Variants in RNF150 observed in about 807,000 individuals in gnomAD.
RNF150 encodes ring finger protein 150.
A neutral mutation model predicts 39.3 loss-of-function variants in RNF150; 24 were observed. That is an observed-to-expected ratio of 0.61 (90% CI 0.44 to 0.86). The LOEUF (loss-of-function observed/expected upper bound fraction) is 0.86. RNF150 is among the 40% of genes least tolerant of loss of function. The pLI, the probability that RNF150 is intolerant of heterozygous loss-of-function variation, is 0.00. For missense variants in RNF150, 502 were observed against 587.8 expected (o/e 0.85, Z 1.51); for synonymous variants, 255 against 227.3 (o/e 1.12, Z -1.10).
upstream of RNF150, among the ~76,000 whole-genome samples, chr4:141,135,271 T>G (rs1727011287): frequency 6.6e-6 from 1 of 152,214 alleles, no homozygotes; most frequent in Admixed American, 6.5e-5. Context: ...CATAGCTCTC[T>G]CCATTCAGAG....
intron 1 of RNF150, among the ~76,000 whole-genome samples, chr4:141,051,356 C>T (rs1212089460): frequency 6.6e-6 from 1 of 152,202 alleles, no homozygotes; most frequent in East Asian, 1.9e-4. Flanking sequence ...CAAATTTTTG[C>T]AGCTGGCTTG....
intron 4 of RNF150, among the ~76,000 whole-genome samples, chr4:140,941,101 A>G (rs1732066509): frequency 6.6e-6 from 1 of 152,200 alleles, no homozygotes; most frequent in South Asian, 2.1e-4. Context: ...GAGACATAAA[A>G]CAGAGTAAGA....
Position 140,871,779 on chromosome 4 carries a change from T to A in RNF150, c.1199-3400A>T, listed in dbSNP as rs1728956233. On this transcript the variant is annotated intron_variant, in intron 6 of 6. Transcript: ENST00000515673. ...GCCTCAGCAGATTCCATAGATTCAT[T>A]CACACCTTGGTTTTTTCTAAATGGG... Among the ~76,000 whole-genome samples, 3 of 152,338 alleles carry A rather than the reference T, an allele frequency of 2.0e-5. No homozygotes were observed. The South Asian group carries it at 6.2e-4, about 32-fold the overall frequency.
chr4:141,085,547 C>T (rs1015287386), intron 1 of RNF150, among the ~76,000 whole-genome samples: 49 of 152,176 alleles, frequency 3.2e-4, no homozygotes, highest in African/African-American at 1.2e-3. Flanking sequence ...CAGACTGCCC[C>T]AGCCATCAAA....
intron 1 of RNF150, among the ~76,000 whole-genome samples, chr4:141,102,045 G>A (rs1413813013): frequency 6.6e-6 from 1 of 152,100 alleles, no homozygotes; most frequent in Non-Finnish European, 1.5e-5. Context: ...ACCTCCCAAA[G>A]TTCTGGGATT....
intron 4 of RNF150, among the ~76,000 whole-genome samples, chr4:140,934,744 A>G (rs140677105): frequency 9.4e-4 from 143 of 151,872 alleles, no homozygotes; most frequent in African/African-American, 3.3e-3. Flanking sequence ...CTGAGCAGGA[A>G]TAAGTGTGGC....
chr4:140,999,574 A>C (rs961066258), intron 1 of RNF150, among the ~76,000 whole-genome samples: 4 of 152,176 alleles, frequency 2.6e-5, no homozygotes, highest in Admixed American at 6.5e-5. Flanking sequence ...ATGGTTTCAA[A>C]AGAAAGTATG....
intron 1 of RNF150, among the ~76,000 whole-genome samples, chr4:140,973,241 T>G (rs913673949): frequency 6.6e-6 from 1 of 152,064 alleles, no homozygotes; most frequent in African/African-American, 2.4e-5. Flanking sequence ...TAGAAAGAAA[T>G]AAATTATTCA....
At position 140,864,342 on chromosome 4, in the gene RNF150, G is replaced by A. The variant is rs1728618981; in HGVS notation, c.*3919C>T. 6.6e-6 allele frequency: 1 copy of A among 152,176 alleles called. No individual in the cohort carries two copies. The highest frequency in any genetic ancestry group is 6.5e-5 in the Admixed American group (1 of 15,276). 9.4% of individuals were successfully genotyped at this position (152,176 alleles called of 1,614,324 possible). A position where few individuals can be genotyped will look rare whatever the true frequency, so the allele number is the denominator to read the frequency against. On this transcript the variant is annotated 3_prime_UTR_variant, in exon 7 of 7. Coordinates refer to ENST00000515673, the MANE Select transcript of RNF150 (RefSeq NM_020724.2). ...TTCAAAAGCTGTATTCATAGTCAGG[G>A]CTCAGCTCTTCCAAAGGGACTAGCC... is the stretch of plus-strand genomic sequence containing the variant.
At chr4:141,143,617 T>C (rs1727156343) in intron 1 of RNF150, among the ~76,000 whole-genome samples, 1 of 152,180 alleles carries the variant, frequency 6.6e-6, no homozygotes. Context: ...TCTTAAAACG[T>C]AAATCCCCCA....
chr4:141,178,541 T>C (rs1326275138), intron 1 of RNF150, among the ~76,000 whole-genome samples: 1 of 151,926 alleles, frequency 6.6e-6, no homozygotes. Context: ...TGCAAAAGAG[T>C]GGGTTCCACT....
chr4:140,918,861 G>A (rs1034412562), intron 5 of RNF150, among the ~76,000 whole-genome samples: 2 of 152,182 alleles, frequency 1.3e-5, no homozygotes, highest in Admixed American at 1.3e-4. Context: ...TTCATCCCTG[G>A]GATGAAAGTC....
chr4:141,095,300 G>A (rs938282572), intron 1 of RNF150, among the ~76,000 whole-genome samples: 13 of 152,158 alleles, frequency 8.5e-5, no homozygotes, highest in Admixed American at 8.5e-4. Flanking sequence ...GGTCCACTGA[G>A]TTCTCCCCAG....
intron 1 of RNF150, among the ~76,000 whole-genome samples, chr4:141,139,659 A>G (rs1477745579): frequency 1.3e-5 from 2 of 152,254 alleles, no homozygotes; most frequent in East Asian, 1.9e-4. Context: ...CTTAATGTAC[A>G]TGCAGGCACT....
At chr4:141,157,693 A>G (rs1217076616) in intron 1 of RNF150, among the ~76,000 whole-genome samples, 1 of 149,858 alleles carries the variant, frequency 6.7e-6, no homozygotes, top group Non-Finnish European at 1.5e-5. Flanking sequence ...TGTTTAAAAA[A>G]CTCTAAGGAA....
chr4:140,880,305 T>A (rs1005684208), intron 6 of RNF150, among the ~76,000 whole-genome samples: 11 of 150,652 alleles, frequency 7.3e-5, no homozygotes, highest in Non-Finnish European at 1.3e-4. Flanking sequence ...CACTGACTGA[T>A]TTTTTTTTGT....
intron 1 of RNF150, among the ~76,000 whole-genome samples, chr4:141,186,419 A>G (rs1578786802): frequency 1.3e-5 from 2 of 151,930 alleles, no homozygotes; most frequent in South Asian, 2.1e-4. Flanking sequence ...TGTTTTTTTG[A>G]GAGGGGGTCT....
At chr4:141,138,020 C>T (rs1201901709), upstream of RNF150, among the ~76,000 whole-genome samples, 1 of 152,180 alleles carries the variant, frequency 6.6e-6, no homozygotes, top group Non-Finnish European at 1.5e-5. Context: ...GCAGCCACAG[C>T]AGAGAATGGC....
intron 1 of RNF150, among the ~76,000 whole-genome samples, chr4:141,031,218 G>A (rs1735931674): frequency 6.6e-6 from 1 of 151,900 alleles, no homozygotes; most frequent in Non-Finnish European, 1.5e-5. Context: ...GCAGAAGAAT[G>A]AAACTAGACC....
Sources: allele counts gnomAD v4.1 joint callset (sites outside exome capture counted in the v4.1 genomes callset), GRCh38; gene constraint gnomAD v4.1.1; transcripts MANE v1.5; gene names NCBI Gene and HGNC (gene_info 2026-07-23, HGNC 2026-07-21).